Variants in CRB2 observed in about 807,000 individuals in gnomAD.
CRB2 encodes protein crumbs homolog 2.
In CRB2, 85 loss-of-function variants were observed where a neutral mutation model predicts 110.9. That is an observed-to-expected ratio of 0.77 (90% CI 0.64 to 0.92). The LOEUF (loss-of-function observed/expected upper bound fraction) is 0.92. Ranked by LOEUF, CRB2 falls within the 40% of genes least tolerant of loss-of-function variation. The pLI is 0.00. For synonymous variants in CRB2, 907 were observed against 831.0 expected (o/e 1.09, Z -1.57); for missense variants, 1,843 against 1,851.3 (o/e 1.00, Z 0.08).
chr9:123,373,490 C>A lies in CRB2; in HGVS notation c.2959C>A (p.Arg987Ser). ...TGGTGCCGCCACCCCGGTGGCGCTG[C>A]GCGGCCTGGCCAGTGACCTGGGCTT... ...LDGAATPVAL[R>S]GLASDLGFLQ... Residue 987 changes from arginine (R) to serine (S), a missense_variant, in exon 10 of 13, where the codon CGC (arginine) becomes AGC (serine). Arg to Ser is a moderately radical substitution (Grantham distance 110). Coordinates refer to ENST00000373631, the MANE Select transcript of CRB2 (RefSeq NM_173689.7). 6.9e-7 allele frequency: 1 copy of A among 1,450,992 alleles called. No homozygotes were observed. Among genetic ancestry groups the A allele is most frequent in the Non-Finnish European group, 9.0e-7 (1 of 1,111,616 alleles). The allele number at this position is 1,450,992 out of a possible 1,614,324, so 89.9% of individuals were successfully genotyped here. A position where few individuals can be genotyped will look rare whatever the true frequency, so the allele number is the denominator to read the frequency against.
intron 2 of CRB2, 85 bp from the exon 3 acceptor site, chr9:123,365,832 T>C: frequency 8.3e-7 from 1 of 1,210,452 alleles, no homozygotes; most frequent in Non-Finnish European, 1.1e-6. Context: ...CACGAGTCTC[T>C]AACTCTGGAG....
rs1380380785 is a variant in CRB2, at chr9:123,366,118, C to T, written c.614+6C>T. ...TGCCACGACCTGGTCAACGGGTGAGCGAGCGGCGGGGCAGGCGGCAGGGGC... is the reference window on the plus strand; with the variant it reads ...TGCCACGACCTGGTCAACGGGTGAGTGAGCGGCGGGGCAGGCGGCAGGGGC... On this transcript the variant is annotated splice_donor_region_variant and intron_variant, in intron 3 of 12. Coordinates refer to ENST00000373631, the MANE Select transcript of CRB2 (RefSeq NM_173689.7). 2.1e-6 allele frequency: 3 copies of T among 1,436,952 alleles called. No individual in the cohort carries two copies. Among genetic ancestry groups the T allele is most frequent in the Non-Finnish European group, 1.8e-6 (2 of 1,101,466 alleles). The allele number at this position is 1,436,952 out of a possible 1,614,324, so 89.0% of individuals were successfully genotyped here.
chr9:123,371,901 T>C (rs573628083), intron 8 of CRB2, among the ~76,000 whole-genome samples: 1 of 152,296 alleles, frequency 6.6e-6, no homozygotes, highest in African/African-American at 2.4e-5. Context: ...CTTTTGATCA[T>C]GAACAGAATT....
At chr9:123,355,574 T>G (rs1588199383), upstream of CRB2, among the ~76,000 whole-genome samples, 2 of 89,060 alleles carry the variant, frequency 2.2e-5, no homozygotes, top group Admixed American at 1.4e-4. Flanking sequence ...TGTGGTCGGG[T>G]GGGACGGGGT....
At chr9:123,363,475 C>T (rs1197961157) in intron 2 of CRB2, among the ~76,000 whole-genome samples, 1 of 152,168 alleles carries the variant, frequency 6.6e-6, no homozygotes, top group East Asian at 1.9e-4. Flanking sequence ...GGGTGGAATA[C>T]CCCTCATTCA....
chr9:123,355,580 G>A (rs556757781), upstream of CRB2, among the ~76,000 whole-genome samples: 1 of 150,224 alleles, frequency 6.7e-6, no homozygotes, highest in East Asian at 2.0e-4. Flanking sequence ...CGGGTGGGAC[G>A]GGGTGGGGAC....
At chr9:123,362,811 G>A (rs2132744312) in intron 1 of CRB2, 54 bp from the exon 2 acceptor site, 1 of 1,509,800 alleles carries the variant, frequency 6.6e-7, no homozygotes, top group Non-Finnish European at 8.9e-7. Context: ...GTGGGGAGGA[G>A]ATTGTCCTTG....
rs1319039345 is a variant in CRB2 at position 123,359,436 on chromosome 9, G to GTTT, written c.94+3084_94+3086dup. On this transcript the variant is annotated intron_variant, in intron 1 of 12. Coordinates refer to ENST00000373631, the MANE Select transcript of CRB2 (RefSeq NM_173689.7). ...TTTTTGTTTGTGGTTTTTCGTTTTT[G>GTTT]TTTTGTTTTTTTTTTTTTTTTTTTT... is the stretch of plus-strand genomic sequence containing the variant. 2.1e-3 allele frequency among the ~76,000 whole-genome samples: 133 copies of GTTT among 62,384 alleles called. 3 individuals carry two copies. The highest frequency in any genetic ancestry group is 7.8e-3 in the African/African-American group (119 of 15,348). The allele number at this position is 62,384 out of a possible 152,430, so 40.9% of individuals were successfully genotyped here. A position where few individuals can be genotyped will look rare whatever the true frequency, so the allele number is the denominator to read the frequency against.
chr9:123,363,763 C>A (rs1395451659), intron 2 of CRB2, among the ~76,000 whole-genome samples: 1 of 152,166 alleles, frequency 6.6e-6, no homozygotes, highest in Non-Finnish European at 1.5e-5. Context: ...ATAATATATA[C>A]GTAAGTGCTC....
At chr9:123,376,482 C>G (rs1170846884) in intron 12 of CRB2, among the ~76,000 whole-genome samples, 1 of 152,212 alleles carries the variant, frequency 6.6e-6, no homozygotes, top group African/African-American at 2.4e-5. Context: ...GCTATTGTGG[C>G]AGGGGGCCGC....
upstream of CRB2, among the ~76,000 whole-genome samples, chr9:123,354,740 C>A: frequency 6.6e-6 from 1 of 152,338 alleles, no homozygotes; most frequent in Admixed American, 6.5e-5. Flanking sequence ...CTGGAGAGAA[C>A]AGGCCTCAAG....
chr9:123,360,114 CCTCT>C (rs2041850540), intron 1 of CRB2, among the ~76,000 whole-genome samples: 1 of 152,192 alleles, frequency 6.6e-6, no homozygotes, highest in Non-Finnish European at 1.5e-5. Flanking sequence ...AAATTATCAA[CCTCT>C]CTGAGTTACA....
At chr9:123,359,466 T>A (rs200176059) in intron 1 of CRB2, among the ~76,000 whole-genome samples, 2 of 132,194 alleles carry the variant, frequency 1.5e-5, no homozygotes, top group East Asian at 2.3e-4. Flanking sequence ...TTTTTTTTTT[T>A]AAGAAAGGGT....
Position 123,367,631 on chromosome 9 carries a change from C to A in CRB2, c.999C>A (p.Gly333=), listed in dbSNP as rs1354054463. ...ECASRPCLNG[G]HCQDLPNGFQ... ...CCTCACGGCCATGCCTCAACGGAGG[C>A]CACTGCCAGGACCTGCCCAATGGCT... is the stretch of plus-strand genomic sequence containing the variant. The change falls in exon 6 of 13, where the codon GGC becomes GGA. Residue 333 remains glycine, a synonymous_variant. Transcript: ENST00000373631. The A allele has an allele frequency of 6.4e-7, 1 of 1,570,870 alleles. No homozygotes were observed. The highest frequency in any genetic ancestry group is 8.6e-7 in the Non-Finnish European group (1 of 1,158,728).
rs564283411 is a variant in CRB2, at chr9:123,370,959, A to C, written c.1906A>C (p.Arg636=). 6.2e-7 allele frequency: 1 copy of C among 1,607,920 alleles called. No homozygotes were observed. Among genetic ancestry groups the C allele is most frequent in the African/African-American group, 1.3e-5 (1 of 74,860 alleles). Residue 636 remains arginine, a synonymous_variant, in exon 7 of 13, where the codon AGA becomes CGA. Coordinates refer to ENST00000373631, the MANE Select transcript of CRB2 (RefSeq NM_173689.7). ...HFRCDCARPH[R]GPTCADEIPA... ...CCGTTGCGACTGTGCCCGGCCCCAT[A>C]GAGGTCCCACGTGCGCTGATGGTGA...
At chr9:123,372,689 C>G (rs2042033933) in intron 9 of CRB2, among the ~76,000 whole-genome samples, 4 of 152,232 alleles carry the variant, frequency 2.6e-5, no homozygotes, top group Admixed American at 2.6e-4. Flanking sequence ...AGCTAGGCGG[C>G]TCTGACTTTA....
intron 1 of CRB2, among the ~76,000 whole-genome samples, chr9:123,359,639 G>T (rs890790442): frequency 4.0e-5 from 6 of 151,852 alleles, no homozygotes; most frequent in Admixed American, 3.3e-4. Context: ...CATAGAGCCA[G>T]CGTCTCACTA....
upstream of CRB2, chr9:123,356,129 C>CGGGGA (rs1420241190): frequency 1.6e-5 from 6 of 375,574 alleles, no homozygotes; most frequent in Admixed American, 4.0e-4. Context: ...GAGGCGGTGG[C>CGGGGA]GGGGAGGGGA....
intron 8 of CRB2, among the ~76,000 whole-genome samples, chr9:123,371,922 T>C (rs1049972869): frequency 6.6e-6 from 1 of 152,184 alleles, no homozygotes; most frequent in Non-Finnish European, 1.5e-5. Flanking sequence ...CCACCAACCC[T>C]GGAGTTAGAA....
Sources: gnomAD v4.1 joint callset for allele counts (sites outside exome capture counted in the v4.1 genomes callset) on GRCh38, gnomAD v4.1.1 for gene constraint, MANE v1.5 for transcripts, NCBI Gene and HGNC (gene_info 2026-07-23, HGNC 2026-07-21) for gene names.